The following PCDHA4 variants were observed in gnomAD, a reference collection of about 807,000 sequenced individuals.
The protein encoded by PCDHA4 is protocadherin alpha-4.
PCDHA4 carries 49 observed loss-of-function variants against 61.4 expected under a neutral mutation model. The ratio of observed to expected loss-of-function variants is 0.80; its 90% confidence interval spans 0.63 to 1.01. The LOEUF is 1.01. Ranked by LOEUF, PCDHA4 falls within the 50% of genes least tolerant of loss-of-function variation. PCDHA4 has a pLI of 0.00. For missense variants in PCDHA4, 1,254 were observed against 1,235.8 expected (o/e 1.01, Z -0.22); for synonymous variants, 590 against 550.3 (o/e 1.07, Z -1.01).
intron 1 of PCDHA4, chr5:140,821,822 T>C (rs1390477821): frequency 2.5e-6 from 4 of 1,614,106 alleles, no homozygotes; most frequent in Non-Finnish European, 3.4e-6. Context: ...CTCCTGCTGC[T>C]CTGGCTTCTC....
At chr5:140,915,626 GTCTCTCTCTC>G (rs57920489) in intron 1 of PCDHA4, among the ~76,000 whole-genome samples, 5 of 146,436 alleles carry the variant, frequency 3.4e-5, no homozygotes, top group Admixed American at 2.0e-4. Context: ...GTCTCTTTCT[GTCTCTCTCTC>G]TCTCTCTCTC....
At chr5:140,934,952 C>T (rs1007494400) in intron 1 of PCDHA4, among the ~76,000 whole-genome samples, 22 of 152,218 alleles carry the variant, frequency 1.4e-4, no homozygotes, top group African/African-American at 5.1e-4. Flanking sequence ...AGAGAGATCC[C>T]ATGTGCTTGT....
intron 1 of PCDHA4, chr5:140,813,079 T>C (rs2126643800): frequency 1.3e-5 from 2 of 152,228 alleles, no homozygotes; most frequent in Non-Finnish European, 2.9e-5. Context: ...TCCTGGAAAA[T>C]GCTCTGAGTG....
rs551502223 is a variant in PCDHA4 at position 140,976,924 on chromosome 5, T to G, written c.2386-2025T>G. ...TGTAATAAAGTGCAAAATCTAGTAC[T>G]GTGTAGCTACTTAAAACATATTATA... is the stretch of plus-strand genomic sequence containing the variant. On this transcript the variant is annotated intron_variant, in intron 1 of 3. Coordinates refer to ENST00000530339, the MANE Select transcript of PCDHA4 (RefSeq NM_018907.4). 1.6e-4 allele frequency among the ~76,000 whole-genome samples: 25 copies of G among 152,364 alleles called. No homozygotes were observed. In the South Asian group the frequency reaches 5.2e-3, roughly 32 times the overall value.
intron 1 of PCDHA4, chr5:140,825,891 G>A (rs1191731614): frequency 6.6e-6 from 1 of 152,362 alleles, no homozygotes; most frequent in Non-Finnish European, 1.5e-5. Context: ...GTTTATTAAA[G>A]CTGTATGTTT....
chr5:140,828,895 T>C (rs1770010925), intron 1 of PCDHA4: 1 of 1,614,106 alleles, frequency 6.2e-7, no homozygotes, highest in African/African-American at 1.3e-5. Flanking sequence ...ATGCTTCTGA[T>C]CGGGATGAAG....
intron 1 of PCDHA4, chr5:140,843,920 A>G (rs1365256690): frequency 1.6e-6 from 1 of 607,552 alleles, no homozygotes; most frequent in Non-Finnish European, 2.8e-6. Context: ...GTCTATCTTG[A>G]AACTCAAGTT....
chr5:141,000,403 A>C (rs1233777704), intron 3 of PCDHA4, among the ~76,000 whole-genome samples: 120 of 84,052 alleles, frequency 1.4e-3, no homozygotes, highest in East Asian at 4.6e-3. Context: ...CTCTATATAT[A>C]TATATATATA....
rs561061447 is a variant in PCDHA4 at position 140,808,768 on chromosome 5, G to A, written c.1581G>A (p.Glu527=). 0.05 allele frequency: 81,266 copies of A among 1,612,160 alleles called. 2,408 individuals carry two copies. The highest frequency in any genetic ancestry group is 0.074 in the Middle Eastern group (362 of 4,880). The part of the protein sequence containing the change: ...VYALQPLDHE[E]LELLQFQVTA... ...CGCTGCAGCCGCTGGACCACGAGGAGCTAGAGCTGCTGCAGTTTCAGGTGA... is the reference window on the plus strand; with the variant it reads ...CGCTGCAGCCGCTGGACCACGAGGAACTAGAGCTGCTGCAGTTTCAGGTGA... Residue 527 remains glutamate (E), a synonymous_variant, in exon 1 of 4, where the codon GAG becomes GAA. Coordinates refer to ENST00000530339, the MANE Select transcript of PCDHA4 (RefSeq NM_018907.4).
intron 1 of PCDHA4, chr5:140,882,290 G>A: frequency 6.2e-7 from 1 of 1,613,532 alleles, no homozygotes; most frequent in Non-Finnish European, 8.5e-7. Flanking sequence ...CTGGCAAGGA[G>A]GCCCAAGACC....
intron 3 of PCDHA4, among the ~76,000 whole-genome samples, chr5:140,989,715 G>A (rs2097356088): frequency 6.6e-6 from 1 of 152,166 alleles, no homozygotes; most frequent in Non-Finnish European, 1.5e-5. Flanking sequence ...GAGGCAGTCA[G>A]CTTTGCAGTT....
At chr5:140,978,904 A>G (rs2096828000) in intron 1 of PCDHA4, 45 bp from the exon 2 acceptor site, 2 of 1,613,322 alleles carry the variant, frequency 1.2e-6, no homozygotes, top group Non-Finnish European at 8.5e-7. Flanking sequence ...CTGGGAGAAC[A>G]TTGTCTTGTC....
intron 1 of PCDHA4, chr5:140,848,567 G>C (rs2150412959): frequency 6.3e-7 from 1 of 1,595,646 alleles, no homozygotes; most frequent in Non-Finnish European, 8.6e-7. Flanking sequence ...TCGCAATGTG[G>C]GTGGTGGGGA....
rs781982422 is a variant in PCDHA4 at position 140,871,325 on chromosome 5, C to T, written c.2385+61753C>T. 4 of 1,613,988 alleles carry T rather than the reference C, an allele frequency of 2.5e-6. No individual in the cohort carries two copies. Among genetic ancestry groups the T allele is most frequent in the Non-Finnish European group, 3.4e-6 (4 of 1,180,038 alleles). On this transcript the variant is annotated intron_variant, in intron 1 of 3. Coordinates refer to ENST00000530339, the MANE Select transcript of PCDHA4 (RefSeq NM_018907.4). ...CCGGGGAAGCCCACGCTGGTGTGCTCCCGCGCGGTGGGGAGCTGGTCATAC... is the reference window on the plus strand; with the variant it reads ...CCGGGGAAGCCCACGCTGGTGTGCTTCCGCGCGGTGGGGAGCTGGTCATAC...
At chr5:140,876,918 G>A (rs2056694252) in intron 1 of PCDHA4, 4 of 1,613,936 alleles carry the variant, frequency 2.5e-6, no homozygotes, top group East Asian at 2.2e-5. Context: ...CATGGGACGC[G>A]GACGCGCAGA....
intron 1 of PCDHA4, among the ~76,000 whole-genome samples, chr5:140,886,739 T>C (rs1411142692): frequency 6.6e-6 from 1 of 151,488 alleles, no homozygotes; most frequent in Non-Finnish European, 1.5e-5. Context: ...AGCAAGAGAA[T>C]TGCTTGAACC....
At chr5:140,845,294 A>T (rs2150378014) in intron 1 of PCDHA4, among the ~76,000 whole-genome samples, 1 of 149,472 alleles carries the variant, frequency 6.7e-6, no homozygotes, top group African/African-American at 2.4e-5. Flanking sequence ...TATCCTGTCT[A>T]TGTCTACCTG....
intron 1 of PCDHA4, chr5:140,882,963 T>C (rs2059384915): frequency 3.7e-6 from 6 of 1,614,088 alleles, no homozygotes; most frequent in Admixed American, 1.7e-5. Context: ...CTCATCACGA[T>C]TCTGGACGTG....
chr5:140,988,524 T>C (rs1338675660), intron 3 of PCDHA4, among the ~76,000 whole-genome samples: 2 of 152,212 alleles, frequency 1.3e-5, no homozygotes, highest in East Asian at 3.8e-4. Context: ...AAGTCTCTGC[T>C]GGCTCCATCC....
Sources: gnomAD v4.1 joint callset for allele counts (sites outside exome capture counted in the v4.1 genomes callset) on GRCh38, gnomAD v4.1.1 for gene constraint, MANE v1.5 for transcripts, NCBI Gene and HGNC (gene_info 2026-07-23, HGNC 2026-07-21) for gene names.